Variants in SHOC2 observed in about 807,000 individuals in gnomAD.
SHOC2 encodes SHOC2 leucine rich repeat scaffold protein.
SHOC2 carries 4 observed loss-of-function variants against 50.2 expected under a neutral mutation model. The observed-to-expected ratio is 0.08, with a 90% CI of 0.04 to 0.18. The LOEUF is 0.18. SHOC2 is among the 10% of genes least tolerant of loss of function. SHOC2 has a pLI of 1.00. For synonymous variants in SHOC2, 218 were observed against 244.5 expected (o/e 0.89, Z 1.01); for missense variants, 388 against 669.6 (o/e 0.58, Z 4.64).
intron 1 of SHOC2, among the ~76,000 whole-genome samples, chr10:110,922,427 A>C (rs980851197): frequency 2.8e-5 from 4 of 140,856 alleles, no homozygotes; most frequent in African/African-American, 1.1e-4. Flanking sequence ...TGTATCATTT[A>C]ATATTTCTGG....
At chr10:110,945,378 C>T (rs1249219097) in intron 1 of SHOC2, among the ~76,000 whole-genome samples, 3 of 152,084 alleles carry the variant, frequency 2.0e-5, no homozygotes, top group African/African-American at 4.8e-5. Flanking sequence ...TGTGAGCTGT[C>T]GTTTCTTCAA....
At chr10:110,938,528 A>AT (rs1368356072) in intron 1 of SHOC2, among the ~76,000 whole-genome samples, 1 of 152,198 alleles carries the variant, frequency 6.6e-6, no homozygotes, top group African/African-American at 2.4e-5. Flanking sequence ...TTACTACTAA[A>AT]TAAGTGTACT....
intron 3 of SHOC2, among the ~76,000 whole-genome samples, chr10:110,997,441 A>G (rs960914922): frequency 3.9e-5 from 6 of 152,204 alleles, no homozygotes; most frequent in East Asian, 1.9e-4. Context: ...AGAGATAACA[A>G]TTAGTTTTGA....
Position 110,964,025 on chromosome 10 carries a change from A to G in SHOC2, c.-234-100A>G. ...GGATGTTCATAAATATTTGAGAATG[A>G]AATCATAGGAAAATGGCAAACTCTA... On this transcript the variant is annotated intron_variant, in intron 1 of 8. Coordinates refer to ENST00000369452, the MANE Select transcript of SHOC2 (RefSeq NM_007373.4). This position sits in a 1 kb window ranked among gnomAD's most constrained non-coding sequence, Gnocchi z 4.9. 1 of 419,414 alleles carries G rather than the reference A, an allele frequency of 2.4e-6. No homozygotes were observed. The allele number at this position is 419,414 out of a possible 1,614,324, so 26.0% of individuals were successfully genotyped here.
At chr10:111,000,627 G>GAAAGCTA in intron 4 of SHOC2, 82 bp downstream of exon 4, 1 of 1,259,214 alleles carries the variant, frequency 7.9e-7, no homozygotes, top group Non-Finnish European at 1.1e-6. Context: ...TTTATAGCAG[G>GAAAGCTA]GTAAATAATT....
At position 110,981,934 on chromosome 10, in the gene SHOC2, C is replaced by T. The variant is rs1238730198; in HGVS notation, c.704-3694C>T. Among the ~76,000 whole-genome samples the T allele has an allele frequency of 2.1e-5, 3 of 139,854 alleles. No homozygotes were observed. The East Asian group carries it at 6.8e-4, about 32-fold the overall frequency. 91.7% of individuals were successfully genotyped at this position (139,854 alleles called of 152,430 possible). ...GTTAGTTACATATGTATACATGTGC[C>T]ATGCTGGTGCGCTGCACCCACTAAC... On this transcript the variant is annotated intron_variant, in intron 2 of 8. Transcript: ENST00000369452.
intron 1 of SHOC2, among the ~76,000 whole-genome samples, chr10:110,944,085 A>G (rs906475770): frequency 4.6e-5 from 7 of 152,210 alleles, no homozygotes; most frequent in Admixed American, 2.0e-4. Context: ...TTATTACAGA[A>G]AAACTGAGAA....
intron 1 of SHOC2, among the ~76,000 whole-genome samples, chr10:110,927,521 T>A (rs1265660459): frequency 1.3e-5 from 2 of 152,196 alleles, no homozygotes; most frequent in African/African-American, 4.8e-5. Flanking sequence ...TTTCTGTACT[T>A]TGGAAGTAGT....
Position 111,011,863 on chromosome 10 carries a change from T to G in SHOC2, c.*45T>G. The G allele has an allele frequency of 7.2e-7, 1 of 1,392,402 alleles. No homozygotes were observed. Among genetic ancestry groups the G allele is most frequent in the Non-Finnish European group, 1.0e-6 (1 of 979,036 alleles). 86.3% of individuals were successfully genotyped at this position (1,392,402 alleles called of 1,614,324 possible). On this transcript the variant is annotated 3_prime_UTR_variant, in exon 9 of 9. Coordinates refer to ENST00000369452, the MANE Select transcript of SHOC2 (RefSeq NM_007373.4). Reference sequence around the variant, plus strand: ...CACACTGTTCAAAAATAGACTGCCATTAATGTTTCTTATCTATATCTGTAT... The same window carrying G: ...CACACTGTTCAAAAATAGACTGCCAGTAATGTTTCTTATCTATATCTGTAT...
chr10:110,927,773 C>T (rs1157266291), intron 1 of SHOC2, among the ~76,000 whole-genome samples: 1 of 152,088 alleles, frequency 6.6e-6, no homozygotes, highest in Non-Finnish European at 1.5e-5. Context: ...CACCAAGCAC[C>T]TTAAGATAGT....
intron 1 of SHOC2, among the ~76,000 whole-genome samples, chr10:110,952,690 T>C (rs1313479834): frequency 6.6e-6 from 1 of 152,104 alleles, no homozygotes; most frequent in African/African-American, 2.4e-5. Flanking sequence ...CATTAGGTGT[T>C]TGTCTTAATG....
chr10:110,932,013 A>G (rs1319485863), intron 1 of SHOC2, among the ~76,000 whole-genome samples: 2 of 152,200 alleles, frequency 1.3e-5, no homozygotes, highest in Admixed American at 6.5e-5. Flanking sequence ...GGTGGTATGC[A>G]GAAAGGCTTT....
intron 3 of SHOC2, among the ~76,000 whole-genome samples, chr10:110,987,461 G>A (rs1212440742): frequency 1.3e-5 from 2 of 152,038 alleles, no homozygotes; most frequent in East Asian, 1.9e-4. Context: ...TGACACTATC[G>A]TATTACTATT....
At chr10:111,002,894 C>A (rs1848405251) in intron 4 of SHOC2, among the ~76,000 whole-genome samples, 1 of 152,098 alleles carries the variant, frequency 6.6e-6, no homozygotes, top group Admixed American at 6.6e-5. Context: ...AACATTTTAT[C>A]ATAAGAGTCA....
Position 110,964,419 on chromosome 10 carries a change from G to C in SHOC2, c.61G>C (p.Ala21Pro). 6.2e-7 allele frequency: 1 copy of C among 1,613,332 alleles called. No homozygotes were observed. Among genetic ancestry groups the C allele is most frequent in the Non-Finnish European group, 8.5e-7 (1 of 1,179,876 alleles). Residue 21 changes from alanine (A) to proline (P), a missense_variant, in exon 2 of 9, where the codon GCC becomes CCC. Around this residue, in one of 5 missense-constraint regions of SHOC2, gnomAD observed 121 missense variants for 145.5 expected, o/e 0.83. Transcript: ENST00000369452. This position sits in a 1 kb window ranked among gnomAD's most constrained non-coding sequence, Gnocchi z 4.9. ...SKEKDPKVPS[A>P]KEREKEAKAS... ...AGAAAAAGATCCCAAAGTACCATCAGCCAAGGAAAGAGAAAAGGAGGCAAA... is the reference window on the plus strand; with the variant it reads ...AGAAAAAGATCCCAAAGTACCATCACCCAAGGAAAGAGAAAAGGAGGCAAA...
In SHOC2 at chr10:110,936,604, T is replaced by TTTTTTTTTTTTA. The variant is rs763178456; in HGVS notation, c.-235+16947_-235+16948insTTTTTTTTTTTA. 142 of 761,930 alleles carry TTTTTTTTTTTTA rather than the reference T, an allele frequency of 1.9e-4. 2 individuals are homozygous for TTTTTTTTTTTTA. Among genetic ancestry groups the TTTTTTTTTTTTA allele is most frequent in the East Asian group, 9.6e-4 (34 of 35,260 alleles). 47.2% of individuals were successfully genotyped at this position (761,930 alleles called of 1,614,324 possible). On this transcript the variant is annotated intron_variant, in intron 1 of 8. Transcript: ENST00000369452. ...TTTTCTTTTCCTTTTTTTTTTTTTT[T>TTTTTTTTTTTTA]AACAGTCTTTATTGGGCTCAGACCA... is the stretch of plus-strand genomic sequence containing the variant.
At chr10:110,934,419 GGAGA>G (rs1220641533) in intron 1 of SHOC2, among the ~76,000 whole-genome samples, 1 of 152,106 alleles carries the variant, frequency 6.6e-6, no homozygotes, top group East Asian at 1.9e-4. Context: ...ATTCCTGTGT[GGAGA>G]GAGTCTAGAA....
chr10:110,952,539 A>G (rs569171517), intron 1 of SHOC2, among the ~76,000 whole-genome samples: 62 of 152,028 alleles, frequency 4.1e-4, no homozygotes, highest in African/African-American at 1.4e-3. Flanking sequence ...ACCCCTAGCA[A>G]TAACTGATTT....
chr10:110,953,811 T>A (rs1847405041), intron 1 of SHOC2, among the ~76,000 whole-genome samples: 1 of 151,722 alleles, frequency 6.6e-6, no homozygotes, highest in African/African-American at 2.4e-5. Context: ...TTTGGTGGAT[T>A]GGGGGGAATA....
Sources: allele counts gnomAD v4.1 joint callset (sites outside exome capture counted in the v4.1 genomes callset), GRCh38; gene constraint gnomAD v4.1.1; regional missense constraint gnomAD v4.1.1; non-coding constraint Gnocchi (gnomAD v3.1); transcripts MANE v1.5; gene names NCBI Gene and HGNC (gene_info 2026-07-23, HGNC 2026-07-21).